The following NUBPL variants were observed in gnomAD, a reference collection of about 807,000 sequenced individuals.
The protein encoded by NUBPL is iron-sulfur cluster transfer protein NUBPL.
A neutral mutation model predicts 45.7 loss-of-function variants in NUBPL; 31 were observed. The ratio of observed to expected loss-of-function variants is 0.68; its 90% CI spans 0.51 to 0.92. The LOEUF is 0.92. Ranked by LOEUF, NUBPL falls within the 40% of genes least tolerant of loss-of-function variation. The pLI, the probability that NUBPL is intolerant of heterozygous loss-of-function variation, is 0.00. For synonymous variants in NUBPL, 144 were observed against 140.9 expected (o/e 1.02, Z -0.15); for missense variants, 401 against 398.7 (o/e 1.01, Z -0.05).
At chr14:31,858,150 A>C (rs1383018709) in intron 10 of NUBPL, among the ~76,000 whole-genome samples, 1 of 152,180 alleles carries the variant, frequency 6.6e-6, no homozygotes, top group African/African-American at 2.4e-5. Context: ...AGGCAAAAAG[A>C]GAGCTTGTGG....
chr14:31,845,028 C>G (rs565017584), intron 8 of NUBPL: 54 of 152,272 alleles, frequency 3.5e-4, no homozygotes, highest in African/African-American at 1.1e-3. Flanking sequence ...GCCCTCCCCC[C>G]GCCACTGCAT....
At position 31,732,904 on chromosome 14, in the gene NUBPL, C is replaced by T. The variant is rs566927466; in HGVS notation, c.514-54876C>T. ...TGGGGATTACAGGTGTGCATCACCGCGCCCGGCCTATTCTTTTATGGTTAG... is the reference window on the plus strand; with the variant it reads ...TGGGGATTACAGGTGTGCATCACCGTGCCCGGCCTATTCTTTTATGGTTAG... On this transcript the variant is annotated intron_variant, in intron 6 of 10. Transcript: ENST00000281081. Among the ~76,000 whole-genome samples, 262 of 152,220 alleles carry T rather than the reference C, an allele frequency of 1.7e-3. 3 individuals are homozygous for T. The highest frequency in any genetic ancestry group is 1.6e-3 in the Non-Finnish European group (106 of 68,022).
At chr14:31,827,351 A>T (rs1020651817) in intron 8 of NUBPL, among the ~76,000 whole-genome samples, 5 of 60,312 alleles carry the variant, frequency 8.3e-5, no homozygotes, top group Non-Finnish European at 1.8e-4. Context: ...CTACAAAGTT[A>T]AAAAAAAAAA....
intron 4 of NUBPL, among the ~76,000 whole-genome samples, chr14:31,666,744 C>G (rs190673820): frequency 6.6e-6 from 1 of 152,076 alleles, no homozygotes; most frequent in Non-Finnish European, 1.5e-5. Context: ...TACAGCAGGC[C>G]TGGTGGTGAC....
At chr14:31,634,932 G>A (rs1330186264) in intron 4 of NUBPL, among the ~76,000 whole-genome samples, 1 of 137,254 alleles carries the variant, frequency 7.3e-6, no homozygotes, top group Non-Finnish European at 1.5e-5. Flanking sequence ...TTTTTGATGG[G>A]GTTGTTTGTT....
chr14:31,821,485 A>G (rs2040017986), intron 7 of NUBPL, among the ~76,000 whole-genome samples: 1 of 152,214 alleles, frequency 6.6e-6, no homozygotes. Context: ...AACTACAAAG[A>G]GATATCATCT....
chr14:31,815,289 C>T (rs1486195702), intron 7 of NUBPL, among the ~76,000 whole-genome samples: 4 of 151,830 alleles, frequency 2.6e-5, no homozygotes, highest in Admixed American at 1.3e-4. Context: ...GTATTTTATT[C>T]TCTTTGTAGC....
intron 4 of NUBPL, among the ~76,000 whole-genome samples, chr14:31,650,731 T>TA (rs2035980980): frequency 6.6e-6 from 1 of 152,222 alleles, no homozygotes; most frequent in African/African-American, 2.4e-5. Flanking sequence ...TTTAAGTTGC[T>TA]ATAGAAGAAT....
chr14:31,715,887 A>G (rs2037677021), intron 6 of NUBPL, among the ~76,000 whole-genome samples: 1 of 152,212 alleles, frequency 6.6e-6, no homozygotes, highest in Admixed American at 6.5e-5. Context: ...TAAGTTGCAA[A>G]AAACGTTTTG....
chr14:31,651,487 G>T (rs1028902132), intron 4 of NUBPL, among the ~76,000 whole-genome samples: 1 of 152,070 alleles, frequency 6.6e-6, no homozygotes, highest in Non-Finnish European at 1.5e-5. Context: ...CACATTTAAA[G>T]TTTCTTTCTT....
At chr14:31,762,024 A>G (rs764068129) in intron 6 of NUBPL, among the ~76,000 whole-genome samples, 1 of 152,238 alleles carries the variant, frequency 6.6e-6, no homozygotes, top group African/African-American at 2.4e-5. Flanking sequence ...CAACAGAAAC[A>G]TATCAGAAAG....
intron 9 of NUBPL, among the ~76,000 whole-genome samples, chr14:31,848,146 C>T (rs2040482276): frequency 6.6e-6 from 1 of 152,172 alleles, no homozygotes; most frequent in African/African-American, 2.4e-5. Context: ...GTATCAAAAA[C>T]ACTGACTACT....
intron 7 of NUBPL, among the ~76,000 whole-genome samples, chr14:31,804,666 C>CA (rs1399960486): frequency 5.9e-5 from 9 of 152,096 alleles, no homozygotes; most frequent in Admixed American, 3.9e-4. Flanking sequence ...ATAAGGCTGA[C>CA]AAAAAACAAG....
At chr14:31,680,700 G>C (rs1257840163) in intron 6 of NUBPL, among the ~76,000 whole-genome samples, 1 of 151,354 alleles carries the variant, frequency 6.6e-6, no homozygotes, top group Non-Finnish European at 1.5e-5. Context: ...TGTGGTATTC[G>C]CATACAATCT....
At chr14:31,666,239 A>T (rs1199988540) in intron 4 of NUBPL, among the ~76,000 whole-genome samples, 1,583 of 22,822 alleles carry the variant, frequency 0.069, 90 homozygotes, top group African/African-American at 0.2. Flanking sequence ...ATATATATAT[A>T]TATATATATA....
intron 4 of NUBPL, among the ~76,000 whole-genome samples, chr14:31,651,898 CAAAAAAAAAAA>C: frequency 1.1e-5 from 1 of 91,450 alleles, no homozygotes; most frequent in Admixed American, 1.3e-4. Context: ...GACTCTGTCT[CAAAAAAAAAAA>C]AAAAGAAAAA....
At chr14:31,656,518 A>G (rs940633016) in intron 4 of NUBPL, among the ~76,000 whole-genome samples, 6 of 152,196 alleles carry the variant, frequency 3.9e-5, no homozygotes, top group African/African-American at 1.4e-4. Context: ...AGAAGCCATG[A>G]TAGCATTATT....
chr14:31,583,703 A>T (rs1222850739), intron 3 of NUBPL, among the ~76,000 whole-genome samples: 1 of 152,130 alleles, frequency 6.6e-6, no homozygotes, highest in African/African-American at 2.4e-5. Context: ...AATGGAGGGG[A>T]TGTTAGAGTG....
intron 6 of NUBPL, among the ~76,000 whole-genome samples, chr14:31,676,679 G>GTTT (rs2036707083): frequency 6.6e-6 from 1 of 151,872 alleles, no homozygotes; most frequent in African/African-American, 2.4e-5. Context: ...ATAATATTGA[G>GTTT]CCCTTTTCCA....
Sources: allele counts gnomAD v4.1 joint callset (sites outside exome capture counted in the v4.1 genomes callset), GRCh38; gene constraint gnomAD v4.1.1; transcripts MANE v1.5; gene names NCBI Gene and HGNC (gene_info 2026-07-23, HGNC 2026-07-21).